The following RPTOR variants were observed in gnomAD, a reference collection of about 807,000 sequenced individuals.
The protein encoded by RPTOR is regulatory associated protein of MTOR complex 1.
In RPTOR, 21 loss-of-function variants were observed where a neutral mutation model predicts 169.9. That is an observed-to-expected ratio of 0.12 (90% confidence interval 0.09 to 0.18). RPTOR has a LOEUF of 0.18. RPTOR is among the 10% of genes least tolerant of loss of function. The pLI, the probability that RPTOR is intolerant of heterozygous loss-of-function variation, is 1.00. For synonymous variants in RPTOR, 732 were observed against 753.2 expected (o/e 0.97, Z 0.46); for missense variants, 1,133 against 1,855.9 (o/e 0.61, Z 7.16).
rs2068701075 is a variant in RPTOR, at chr17:80,918,428, ACGAGCACCC to A, written c.2521-4295_2521-4287del. ...GAGCACCCTCGCGGGGGTCATAGCCACGAGCACCCTCGCCGGAGTCATAGCCACGAGCAC... is the reference window on the plus strand; with the variant it reads ...GAGCACCCTCGCGGGGGTCATAGCCATCGCCGGAGTCATAGCCACGAGCAC... On this transcript the variant is annotated intron_variant, in intron 21 of 33. Transcript: ENST00000306801. Among the ~76,000 whole-genome samples, 6 of 124,710 alleles carry A rather than the reference ACGAGCACCC, an allele frequency of 4.8e-5. No individual in the cohort carries two copies. In the South Asian group the frequency reaches 1.2e-3, roughly 25 times the overall value. 81.8% of individuals were successfully genotyped at this position (124,710 alleles called of 152,430 possible). A position where few individuals can be genotyped will look rare whatever the true frequency, so the allele number is the denominator to read the frequency against.
chr17:80,949,315 G>C (rs2144064743), intron 27 of RPTOR, 128 bp from the exon 28 acceptor site: 1 of 781,454 alleles, frequency 1.3e-6, no homozygotes, highest in East Asian at 2.4e-5. Flanking sequence ...ACCACGGGTA[G>C]TGAGTCAGGC....
intron 24 of RPTOR, among the ~76,000 whole-genome samples, chr17:80,932,896 A>C (rs1230515302): frequency 1.3e-5 from 2 of 152,164 alleles, no homozygotes; most frequent in African/African-American, 2.4e-5. Context: ...AACCTTGAAG[A>C]CCTCTGGAGC....
chr17:80,598,469 T>A (rs2065159891), intron 1 of RPTOR, among the ~76,000 whole-genome samples: 1 of 152,220 alleles, frequency 6.6e-6, no homozygotes, highest in African/African-American at 2.4e-5. Flanking sequence ...TCTAAGATGG[T>A]CATTGCTTCT....
In RPTOR at chr17:80,878,744, C is replaced by T. The variant is rs1426647779; in HGVS notation, c.1510-1671C>T. Among the ~76,000 whole-genome samples the T allele has an allele frequency of 1.3e-5, 2 of 152,188 alleles. No individual in the cohort carries two copies. The highest frequency in any genetic ancestry group is 2.9e-5 in the Non-Finnish European group (2 of 68,034). On this transcript the variant is annotated intron_variant, in intron 13 of 33. Coordinates refer to ENST00000306801, the MANE Select transcript of RPTOR (RefSeq NM_020761.3). The surrounding 1 kb of genome is among the most constrained non-coding windows in gnomAD (Gnocchi z 4.1). The stretch of plus-strand genomic sequence containing the variant: ...TGTTTCAAATCTTGCCCCTTTTCCT[C>T]GGGTTTTGGGCAAATACTTCCCGAA...
chr17:80,945,560 C>G (rs1000388606), intron 25 of RPTOR, 107 bp from the exon 26 acceptor site: 22 of 637,970 alleles, frequency 3.4e-5, no homozygotes, highest in Non-Finnish European at 5.5e-5. Flanking sequence ...CCACTGCACT[C>G]CAGCCTGGGC....
chr17:80,884,194 T>A (rs2068216422), intron 16 of RPTOR, among the ~76,000 whole-genome samples: 1 of 152,166 alleles, frequency 6.6e-6, no homozygotes, highest in African/African-American at 2.4e-5. Flanking sequence ...GTGGCACAGC[T>A]GCAAGCGGGG....
At chr17:80,934,360 C>G (rs1372927932) in intron 24 of RPTOR, among the ~76,000 whole-genome samples, 1 of 151,988 alleles carries the variant, frequency 6.6e-6, no homozygotes, top group Non-Finnish European at 1.5e-5. Flanking sequence ...ATGAAGTTTT[C>G]TTGTTTTGTT....
At position 80,741,766 on chromosome 17, in the gene RPTOR, A is replaced by G. The variant is rs538459848; in HGVS notation, c.654+11060A>G. ...CCTAGAACAGACAATGGCTGAAGCCACGGGATGGTGACGAGCCCCCATGTG... is the reference window on the plus strand; with the variant it reads ...CCTAGAACAGACAATGGCTGAAGCCGCGGGATGGTGACGAGCCCCCATGTG... On this transcript the variant is annotated intron_variant, in intron 5 of 33. Coordinates refer to ENST00000306801, the MANE Select transcript of RPTOR (RefSeq NM_020761.3). Among the ~76,000 whole-genome samples the G allele has an allele frequency of 2.6e-5, 4 of 152,294 alleles. No individual in the cohort carries two copies. The East Asian group carries it at 7.7e-4, about 29-fold the overall frequency.
At chr17:80,753,261 G>A (rs1323927404) in intron 5 of RPTOR, among the ~76,000 whole-genome samples, 1 of 152,142 alleles carries the variant, frequency 6.6e-6, no homozygotes, top group Admixed American at 6.5e-5. Flanking sequence ...CCTTTGTGTT[G>A]GTGATGGAGT....
At chr17:80,583,739 T>C (rs950593268) in intron 1 of RPTOR, among the ~76,000 whole-genome samples, 3 of 152,128 alleles carry the variant, frequency 2.0e-5, no homozygotes, top group Non-Finnish European at 4.4e-5. Flanking sequence ...GGAAAGCTAT[T>C]GTAGAGTAGA....
chr17:80,602,833 G>A (rs1020709546), intron 1 of RPTOR: 10 of 610,088 alleles, frequency 1.6e-5, no homozygotes, highest in African/African-American at 5.6e-5. Flanking sequence ...CCGTGGACGC[G>A]CTGGTGAATG....
chr17:80,914,650 C>G (rs2143950993), intron 21 of RPTOR, among the ~76,000 whole-genome samples: 1 of 152,308 alleles, frequency 6.6e-6, no homozygotes, highest in South Asian at 2.1e-4. Context: ...TGTGCACACG[C>G]TCGGGGCAGT....
At chr17:80,856,130 C>T (rs545700079) in intron 12 of RPTOR, among the ~76,000 whole-genome samples, 36 of 152,302 alleles carry the variant, frequency 2.4e-4, no homozygotes, top group African/African-American at 7.9e-4. Flanking sequence ...CAAGGAAACT[C>T]GAGAGACCTA....
At chr17:80,833,080 C>A (rs139401580) in intron 9 of RPTOR, among the ~76,000 whole-genome samples, 1 of 138,904 alleles carries the variant, frequency 7.2e-6, no homozygotes, top group African/African-American at 2.8e-5. Context: ...CGTTTCTCTG[C>A]GGTAATAACC....
chr17:80,692,027 GAGCCGCTGCCGAGGCAT>G (rs1439694313), intron 3 of RPTOR, among the ~76,000 whole-genome samples: 1 of 152,330 alleles, frequency 6.6e-6, no homozygotes, highest in South Asian at 2.1e-4. Context: ...CGGTTACTGA[GAGCCGCTGCCGAGGCAT>G]AGCCGCTGCT....
intron 31 of RPTOR, 136 bp downstream of exon 31, chr17:80,961,616 T>C: frequency 9.8e-7 from 1 of 1,024,486 alleles, no homozygotes; most frequent in South Asian, 1.6e-5. Context: ...GCCCTGGAAC[T>C]GGCCAGAAAG....
At chr17:80,593,320 C>T (rs749894136) in intron 1 of RPTOR, 30 of 154,896 alleles carry the variant, frequency 1.9e-4, no homozygotes, top group Middle Eastern at 5.2e-4. Flanking sequence ...CTGATGAGAC[C>T]GCGGCGGCCA....
intron 13 of RPTOR, among the ~76,000 whole-genome samples, chr17:80,865,391 T>C (rs757741285): frequency 6.6e-6 from 1 of 152,066 alleles, no homozygotes; most frequent in Non-Finnish European, 1.5e-5. Flanking sequence ...AACCATACCA[T>C]GGCTACAAGC....
chr17:80,936,468 AAG>A lies in RPTOR; in HGVS notation c.2920-4022_2920-4021del, dbSNP rs911248221. On this transcript the variant is annotated intron_variant, in intron 24 of 33. Transcript: ENST00000306801. The surrounding 1 kb of genome is among the most constrained non-coding windows in gnomAD (Gnocchi z 4.1). ...CAACCCAAGTTTCCTTCACCTCGTA[AAG>A]AGAGAAGCTGATACAACCATACAAT... Among the ~76,000 whole-genome samples the A allele has an allele frequency of 6.6e-6, 1 of 152,234 alleles. No homozygotes were observed. Among genetic ancestry groups the A allele is most frequent in the African/African-American group, 2.4e-5 (1 of 41,456 alleles).
Sources: gnomAD v4.1 joint callset for allele counts (sites outside exome capture counted in the v4.1 genomes callset) on GRCh38, gnomAD v4.1.1 for gene constraint, Gnocchi (gnomAD v3.1) non-coding constraint, MANE v1.5 for transcripts, NCBI Gene and HGNC (gene_info 2026-07-23, HGNC 2026-07-21) for gene names.